HEATR5B: variants seen among roughly 807,000 people sequenced by gnomAD.
The protein encoded by HEATR5B is HEAT repeat-containing protein 5B.
HEATR5B carries 156 observed loss-of-function variants against 224.1 expected under a neutral mutation model. The observed-to-expected ratio is 0.70, with a 90% CI of 0.61 to 0.80. The LOEUF is 0.80. Among genes scored for constraint, HEATR5B ranks in the 30% least tolerant of loss-of-function variants. The pLI is 0.00. For missense variants in HEATR5B, 2,323 were observed against 2,535.5 expected (o/e 0.92, Z 1.80); for synonymous variants, 1,027 against 893.0 (o/e 1.15, Z -2.68).
intron 27 of HEATR5B, among the ~76,000 whole-genome samples, chr2:37,012,437 C>G (rs766061449): frequency 6.6e-6 from 1 of 151,986 alleles, no homozygotes; most frequent in Non-Finnish European, 1.5e-5. Flanking sequence ...GTTGCCCAGG[C>G]TGCAGTGCAA....
intron 12 of HEATR5B, among the ~76,000 whole-genome samples, chr2:37,059,551 CG>C (rs1671148827): frequency 6.8e-6 from 1 of 147,168 alleles, no homozygotes; most frequent in African/African-American, 2.5e-5. Context: ...GCAACCTCCA[CG>C]TCCTAGGTTC....
chr2:37,047,762 T>C (rs1294685949), intron 18 of HEATR5B, among the ~76,000 whole-genome samples: 2 of 152,178 alleles, frequency 1.3e-5, no homozygotes, highest in African/African-American at 2.4e-5. Context: ...GATTTTAGCA[T>C]TTCACAGTCA....
chr2:36,989,123 G>C (rs1339425570), intron 34 of HEATR5B, among the ~76,000 whole-genome samples: 1 of 152,090 alleles, frequency 6.6e-6, no homozygotes, highest in Non-Finnish European at 1.5e-5. Context: ...GTCTCGCTCT[G>C]TCGCCAGGCT....
At chr2:37,001,971 G>A (rs1572771087) in intron 32 of HEATR5B, among the ~76,000 whole-genome samples, 1 of 152,140 alleles carries the variant, frequency 6.6e-6, no homozygotes, top group African/African-American at 2.4e-5. Context: ...CTGGCCTTGA[G>A]TTTTTCAGTG....
intron 22 of HEATR5B, among the ~76,000 whole-genome samples, chr2:37,032,124 C>G (rs1009042155): frequency 6.6e-6 from 1 of 152,188 alleles, no homozygotes; most frequent in African/African-American, 2.4e-5. Flanking sequence ...CCACCCAGAA[C>G]TGGAAACCTT....
chr2:37,043,623 T>C (rs1390726454), intron 18 of HEATR5B, among the ~76,000 whole-genome samples: 3 of 152,074 alleles, frequency 2.0e-5, no homozygotes, highest in African/African-American at 7.2e-5. Context: ...TTAAAAAAAA[T>C]ATTTAAAGGG....
At chr2:37,061,844 C>A (rs1671298191) in intron 11 of HEATR5B, 95 bp downstream of exon 11, 1 of 670,486 alleles carries the variant, frequency 1.5e-6, no homozygotes, top group Middle Eastern at 2.6e-4. Flanking sequence ...CAATGAAAAT[C>A]CAGAATGTGA....
At chr2:37,000,171 G>C (rs552069698) in intron 33 of HEATR5B, among the ~76,000 whole-genome samples, 1 of 151,670 alleles carries the variant, frequency 6.6e-6, no homozygotes, top group African/African-American at 2.4e-5. Flanking sequence ...TCCACCTCCC[G>C]GGTTCAAGCA....
intron 6 of HEATR5B, 152 bp downstream of exon 6, chr2:37,071,958 A>T: frequency 1.9e-6 from 1 of 539,824 alleles, no homozygotes; most frequent in Non-Finnish European, 3.2e-6. Flanking sequence ...TGCTGGGATT[A>T]CAGGCATGAG....
At chr2:37,014,155 G>C (rs1667966638) in intron 26 of HEATR5B, 135 bp from the exon 27 acceptor site, 6 of 442,574 alleles carry the variant, frequency 1.4e-5, no homozygotes, top group Non-Finnish European at 2.0e-5. Flanking sequence ...CCAATGCTAT[G>C]CTTTGATATT....
At position 36,981,345 on chromosome 2, in the gene HEATR5B, G is replaced by A. The variant is rs1365530429; in HGVS notation, c.*145C>T. On this transcript the variant is annotated 3_prime_UTR_variant, in exon 36 of 36. Transcript: ENST00000233099. ...CCTTAAAAATCAATAAGTGGTGTGA[G>A]CATTATTTCACTTAACCTACTTGGA... 2 of 517,682 alleles carry A rather than the reference G, an allele frequency of 3.9e-6. No individual in the cohort carries two copies. The highest frequency in any genetic ancestry group is 3.8e-5 in the South Asian group (1 of 26,056). 32.1% of individuals were successfully genotyped at this position (517,682 alleles called of 1,614,324 possible).
intron 8 of HEATR5B, 40 bp from the exon 9 acceptor site, chr2:37,065,950 AATTGTGGTATG>A (rs1165715882): frequency 6.4e-7 from 1 of 1,563,884 alleles, no homozygotes; most frequent in African/African-American, 1.4e-5. Flanking sequence ...AGGAGAAATG[AATTGTGGTATG>A]ATTTTTTTGG....
chr2:37,007,268 G>A lies in HEATR5B; in HGVS notation c.4559C>T (p.Ala1520Val). Reference sequence around the variant, plus strand: ...CCAGGAATTCCGATAGTGAAGTCTAGCTGTATCAATAGTTTCAGGGGTATA... The same window carrying A: ...CCAGGAATTCCGATAGTGAAGTCTAACTGTATCAATAGTTTCAGGGGTATA... Reference protein sequence around the residue: ...AFYTPETIDTARLHYRNSWAP... With the variant: ...AFYTPETIDTVRLHYRNSWAP... The change falls in exon 29 of 36, where the codon GCT (alanine) becomes GTT (valine). Residue 1520 changes from alanine to valine, a missense_variant. Ala to Val is a moderately conservative substitution (Grantham distance 64). Transcript: ENST00000233099. 6.2e-7 allele frequency: 1 copy of A among 1,613,158 alleles called. No homozygotes were observed. The highest frequency in any genetic ancestry group is 1.3e-5 in the African/African-American group (1 of 74,716).
At position 37,055,599 on chromosome 2, in the gene HEATR5B, T is replaced by TCAAG. The variant is rs1274977540; in HGVS notation, c.2399+837_2399+840dup. Among the ~76,000 whole-genome samples, 15 of 152,324 alleles carry TCAAG rather than the reference T, an allele frequency of 9.8e-5. No homozygotes were observed. In the East Asian group the frequency reaches 2.7e-3, roughly 27 times the overall value. ...TCTCCTCAAATTAAAAAGCAATTAA[T>TCAAG]CAAGCAACCTACATATTAAAGACAT... On this transcript the variant is annotated intron_variant, in intron 16 of 35. Coordinates refer to ENST00000233099, the MANE Select transcript of HEATR5B (RefSeq NM_019024.3).
rs775120824 is a variant in HEATR5B, at chr2:36,995,087, G to GTTTTTTTT, written c.5546-4296_5546-4289dup. Among the ~76,000 whole-genome samples the GTTTTTTTT allele has an allele frequency of 8.6e-5, 9 of 104,130 alleles. 2 individuals are homozygous for GTTTTTTTT. The highest frequency in any genetic ancestry group is 1.6e-4 in the African/African-American group (4 of 24,454). 68.3% of individuals were successfully genotyped at this position (104,130 alleles called of 152,430 possible). A position where few individuals can be genotyped will look rare whatever the true frequency, so the allele number is the denominator to read the frequency against. On this transcript the variant is annotated intron_variant, in intron 33 of 35. Coordinates refer to ENST00000233099, the MANE Select transcript of HEATR5B (RefSeq NM_019024.3). ...CGATTTCTTCGTCTTGTTATTCCTTGTTTTTTTTTTTTTTTTTCCTGAGAT... is the reference window on the plus strand; with the variant it reads ...CGATTTCTTCGTCTTGTTATTCCTTGTTTTTTTTTTTTTTTTTTTTTTTTTCCTGAGAT...
intron 22 of HEATR5B, among the ~76,000 whole-genome samples, chr2:37,031,287 G>C (rs1037591198): frequency 6.6e-6 from 1 of 151,794 alleles, no homozygotes; most frequent in African/African-American, 2.4e-5. Context: ...GGTGATCTTG[G>C]GGACTCCAAA....
At chr2:37,031,426 TTTTC>T (rs3084364) in intron 22 of HEATR5B, among the ~76,000 whole-genome samples, 5,029 of 148,212 alleles carry the variant, frequency 0.034, 114 homozygotes, top group Non-Finnish European at 0.052. Context: ...TCTGTTTTTC[TTTTC>T]TTTCTTTTTT....
Position 37,000,813 on chromosome 2 carries a change from C to A in HEATR5B, c.5318G>T (p.Gly1773Val). 1.2e-6 allele frequency: 2 copies of A among 1,601,574 alleles called. No homozygotes were observed. The highest frequency in any genetic ancestry group is 1.7e-6 in the Non-Finnish European group (2 of 1,168,852). Reference protein sequence around the residue: ...SDLPSLCSPAGCMTILPTILF... With the variant: ...SDLPSLCSPAVCMTILPTILF... ...AATTGTGGGCAGGATTGTCATACATCCTGAAAGAAAAACAAATCAGATCAC... is the reference window on the plus strand; with the variant it reads ...AATTGTGGGCAGGATTGTCATACATACTGAAAGAAAAACAAATCAGATCAC... Residue 1773 changes from glycine (G) to valine (V), a missense_variant and splice_region_variant, in exon 33 of 36, where the codon GGA (glycine) becomes GTA (valine). This residue lies in a region of HEATR5B where 844 missense variants were observed against 812.9 expected (regional missense o/e 1.04). Coordinates refer to ENST00000233099, the MANE Select transcript of HEATR5B (RefSeq NM_019024.3).
chr2:36,990,640 T>C lies in HEATR5B; in HGVS notation c.5697+8A>G. The C allele has an allele frequency of 1.3e-6, 2 of 1,557,328 alleles. No individual in the cohort carries two copies. The highest frequency in any genetic ancestry group is 1.7e-6 in the Non-Finnish European group (2 of 1,148,766). On this transcript the variant is annotated splice_region_variant and intron_variant, in intron 34 of 35. Coordinates refer to ENST00000233099, the MANE Select transcript of HEATR5B (RefSeq NM_019024.3). ...TTTTTATCTATGTCTGTGTAACGTGTAACTTACCCATGGGTCGCATGAATT... is the reference window on the plus strand; with the variant it reads ...TTTTTATCTATGTCTGTGTAACGTGCAACTTACCCATGGGTCGCATGAATT...
Sources: gnomAD v4.1 joint callset for allele counts (sites outside exome capture counted in the v4.1 genomes callset) on GRCh38, gnomAD v4.1.1 for gene constraint, gnomAD v4.1.1 regional missense constraint, MANE v1.5 for transcripts, NCBI Gene and HGNC (gene_info 2026-07-23, HGNC 2026-07-21) for gene names.